HS3ST4: variants seen among roughly 807,000 people sequenced by gnomAD.
HS3ST4 encodes the protein heparan sulfate glucosamine 3-O-sulfotransferase 4.
HS3ST4 carries 17 observed loss-of-function variants against 29.2 expected under a neutral mutation model. The observed-to-expected ratio is 0.58, with a 90% confidence interval of 0.40 to 0.87. HS3ST4 has a LOEUF of 0.87. Among genes scored for constraint, HS3ST4 ranks in the 40% least tolerant of loss-of-function variants. HS3ST4 has a pLI of 0.00. For missense variants in HS3ST4, 627 were observed against 634.5 expected, an observed-to-expected ratio of 0.99 and a Z score of 0.13; for synonymous variants, 314 against 285.7, an observed-to-expected ratio of 1.10 and a Z score of -1.00.
intron 1 of HS3ST4, among the ~76,000 whole-genome samples, chr16:26,097,004 T>C (rs1898933436): frequency 6.6e-6 from 1 of 152,054 alleles, no homozygotes; most frequent in Non-Finnish European, 1.5e-5. Flanking sequence ...GAGAATAAAA[T>C]ACCTAGGAAT....
chr16:26,113,928 A>G (rs540487395), intron 1 of HS3ST4, among the ~76,000 whole-genome samples: 1 of 152,282 alleles, frequency 6.6e-6, no homozygotes, highest in East Asian at 1.9e-4. Flanking sequence ...GTGGGCATAC[A>G]TATCTGCATG....
At chr16:26,134,673 G>T (rs1033071122) in intron 1 of HS3ST4, among the ~76,000 whole-genome samples, 1 of 152,092 alleles carries the variant, frequency 6.6e-6, no homozygotes, top group African/African-American at 2.4e-5. Flanking sequence ...GGATAATAAG[G>T]CTCGAAGATA....
chr16:26,060,265 G>A (rs913943010), intron 1 of HS3ST4, among the ~76,000 whole-genome samples: 2 of 152,168 alleles, frequency 1.3e-5, no homozygotes, highest in East Asian at 3.9e-4. Flanking sequence ...AGTCATTTGA[G>A]CTTGACCTAT....
At chr16:26,099,813 G>A (rs778671896) in intron 1 of HS3ST4, among the ~76,000 whole-genome samples, 10 of 152,036 alleles carry the variant, frequency 6.6e-5, no homozygotes, top group East Asian at 1.9e-4. Context: ...ACACACACAC[G>A]CACACACGCA....
chr16:26,033,489 T>TG (rs1969551700), intron 1 of HS3ST4, among the ~76,000 whole-genome samples: 1 of 142,816 alleles, frequency 7.0e-6, no homozygotes, highest in Non-Finnish European at 1.5e-5. Flanking sequence ...CACTCCAGCA[T>TG]GGGTGACTGT....
intron 1 of HS3ST4, among the ~76,000 whole-genome samples, chr16:26,031,753 C>G (rs897432336): frequency 1.3e-5 from 2 of 148,348 alleles, no homozygotes; most frequent in African/African-American, 4.9e-5. Context: ...ATTAAAGATA[C>G]TTTCCATAAA....
intron 1 of HS3ST4, among the ~76,000 whole-genome samples, chr16:25,943,174 T>C (rs1968590451): frequency 6.6e-6 from 1 of 152,264 alleles, no homozygotes; most frequent in African/African-American, 2.4e-5. Flanking sequence ...GCTGAGATAT[T>C]CTTAAGCATC....
intron 1 of HS3ST4, among the ~76,000 whole-genome samples, chr16:25,921,553 C>G (rs1400091732): frequency 2.0e-5 from 3 of 152,102 alleles, no homozygotes; most frequent in Admixed American, 2.0e-4. Flanking sequence ...AGTCAGAAAG[C>G]AACATTACTT....
At chr16:25,759,467 C>A (rs1006139842) in intron 1 of HS3ST4, among the ~76,000 whole-genome samples, 1 of 152,142 alleles carries the variant, frequency 6.6e-6, no homozygotes, top group Non-Finnish European at 1.5e-5. Flanking sequence ...ACCACACATA[C>A]CATGTCGACA....
intron 1 of HS3ST4, among the ~76,000 whole-genome samples, chr16:26,049,494 G>GTGTGTA (rs1898310971): frequency 6.6e-6 from 1 of 151,738 alleles, no homozygotes; most frequent in Admixed American, 6.6e-5. Flanking sequence ...GTGTGTGTGT[G>GTGTGTA]TATGTGTGTG....
chr16:25,717,006 T>A (rs4787744), intron 1 of HS3ST4, among the ~76,000 whole-genome samples: 102,794 of 151,696 alleles, frequency 0.68, 35,311 homozygotes, highest in East Asian at 0.86. Context: ...GTGAGCCGAG[T>A]TCGGGCCATT....
At chr16:25,707,272 G>A (rs1966381860) in intron 1 of HS3ST4, among the ~76,000 whole-genome samples, 1 of 151,874 alleles carries the variant, frequency 6.6e-6, no homozygotes, top group Non-Finnish European at 1.5e-5. Flanking sequence ...ATTTAGAAAG[G>A]GTAAGAATAG....
chr16:25,738,187 A>G (rs1227066425), intron 1 of HS3ST4, among the ~76,000 whole-genome samples: 13 of 151,978 alleles, frequency 8.6e-5, no homozygotes, highest in Non-Finnish European at 1.9e-4. Flanking sequence ...TACAGGCGTG[A>G]CCTACCACGC....
At chr16:25,919,528 C>A (rs764501436) in intron 1 of HS3ST4, among the ~76,000 whole-genome samples, 12 of 151,940 alleles carry the variant, frequency 7.9e-5, no homozygotes, top group Non-Finnish European at 1.5e-5. Context: ...GAGTCACTGG[C>A]AATAGCTGGT....
chr16:25,814,291 G>A (rs142638411), intron 1 of HS3ST4, among the ~76,000 whole-genome samples: 50 of 152,054 alleles, frequency 3.3e-4, no homozygotes, highest in African/African-American at 1.0e-3. Flanking sequence ...CTTGTGGGAC[G>A]GGCAGAAATA....
intron 1 of HS3ST4, among the ~76,000 whole-genome samples, chr16:25,866,033 A>C (rs57128357): frequency 0.074 from 11,248 of 152,304 alleles, 476 homozygotes; most frequent in African/African-American, 0.12. Context: ...GTGAGGAAAC[A>C]ACCTTTGGAA....
At chr16:25,843,277 G>A (rs995967464) in intron 1 of HS3ST4, among the ~76,000 whole-genome samples, 3 of 152,124 alleles carry the variant, frequency 2.0e-5, no homozygotes, top group Non-Finnish European at 2.9e-5. Context: ...TATCAACTGG[G>A]AGCTGACCAC....
intron 1 of HS3ST4, among the ~76,000 whole-genome samples, chr16:25,720,480 C>T (rs1966485317): frequency 6.6e-6 from 1 of 152,020 alleles, no homozygotes; most frequent in Non-Finnish European, 1.5e-5. Flanking sequence ...ACCGTAGGAC[C>T]CCAAGTTTGA....
intron 1 of HS3ST4, among the ~76,000 whole-genome samples, chr16:25,764,926 C>G (rs1458288183): frequency 6.6e-6 from 1 of 152,208 alleles, no homozygotes; most frequent in Non-Finnish European, 1.5e-5. Context: ...CGGCAAGAGG[C>G]TACCTTCTGA....
Sources: allele counts gnomAD v4.1 joint callset (sites outside exome capture counted in the v4.1 genomes callset), GRCh38; gene constraint gnomAD v4.1.1; transcripts MANE v1.5; gene names NCBI Gene and HGNC (gene_info 2026-07-23, HGNC 2026-07-21).